The following SIRPA variants were observed in gnomAD, a reference collection of about 807,000 sequenced individuals.
SIRPA encodes the protein signal regulatory protein alpha.
In SIRPA, 9 loss-of-function variants were observed where a neutral mutation model predicts 50.3. The ratio of observed to expected loss-of-function variants is 0.18; its 90% confidence interval spans 0.11 to 0.31. The LOEUF is 0.31. SIRPA is among the 10% of genes least tolerant of loss of function. The pLI, the probability that SIRPA is intolerant of heterozygous loss-of-function variation, is 1.00. For synonymous variants in SIRPA, 265 were observed against 284.1 expected (o/e 0.93, Z 0.68); for missense variants, 474 against 661.6 (o/e 0.72, Z 3.11).
Position 1,937,792 on chromosome 20 carries a change from T to C in SIRPA, c.*224T>C, listed in dbSNP as rs1277017604. ...CCCACATTGCCACATACCTGGAGGCTGACGTTGCCAAACCAGCCAGGGAAC... is the reference window on the plus strand; with the variant it reads ...CCCACATTGCCACATACCTGGAGGCCGACGTTGCCAAACCAGCCAGGGAAC... On this transcript the variant is annotated 3_prime_UTR_variant, in exon 8 of 8. Transcript: ENST00000358771. This position sits in a 1 kb window ranked among gnomAD's most constrained non-coding sequence, Gnocchi z 8.3. 3.3e-6 allele frequency: 2 copies of C among 604,714 alleles called. No homozygotes were observed. Among genetic ancestry groups the C allele is most frequent in the Non-Finnish European group, 5.7e-6 (2 of 352,102 alleles). 37.5% of individuals were successfully genotyped at this position (604,714 alleles called of 1,614,324 possible). A position where few individuals can be genotyped will look rare whatever the true frequency, so the allele number is the denominator to read the frequency against.
At chr20:1,913,497 C>T (rs978113533) in intron 1 of SIRPA, among the ~76,000 whole-genome samples, 2 of 152,206 alleles carry the variant, frequency 1.3e-5, no homozygotes, top group Non-Finnish European at 2.9e-5. Flanking sequence ...TGGACATCTG[C>T]CGCAGCCTTG....
Position 1,938,655 on chromosome 20 carries a change from T to G in SIRPA, c.*1087T>G, listed in dbSNP as rs1011093380. ...CACAGCCTTCTGGCTGGGACTGACT[T>G]GGCCATGTTCTCAGCTGAGCCACGC... is the stretch of plus-strand genomic sequence containing the variant. On this transcript the variant is annotated 3_prime_UTR_variant, in exon 8 of 8. Transcript: ENST00000358771. The G allele has an allele frequency of 6.5e-6, 1 of 152,682 alleles. No homozygotes were observed. The highest frequency in any genetic ancestry group is 1.5e-5 in the Non-Finnish European group (1 of 68,066). The allele number at this position is 152,682 out of a possible 1,614,324, so 9.5% of individuals were successfully genotyped here.
chr20:1,905,764 AT>A (rs1984509122), intron 1 of SIRPA, among the ~76,000 whole-genome samples: 1 of 152,222 alleles, frequency 6.6e-6, no homozygotes, highest in African/African-American at 2.4e-5. Context: ...ATTTACACAG[AT>A]TTGCAGTTCT....
At chr20:1,935,389 G>A (rs1986519142) in intron 7 of SIRPA, among the ~76,000 whole-genome samples, 1 of 152,240 alleles carries the variant, frequency 6.6e-6, no homozygotes, top group African/African-American at 2.4e-5. Context: ...TAACAAGACA[G>A]GCCCTGCTCT....
chr20:1,936,588 T>C lies in SIRPA; in HGVS notation c.1267-732T>C, dbSNP rs1441095076. 6.6e-6 allele frequency among the ~76,000 whole-genome samples: 1 copy of C among 152,188 alleles called. No individual in the cohort carries two copies. Among genetic ancestry groups the C allele is most frequent in the East Asian group, 1.9e-4 (1 of 5,186 alleles). ...GTTCTTATACTGCCCCTGTTCTCTG[T>C]CTCCCTGTCCCCAGCTTTGCCCTGA... On this transcript the variant is annotated intron_variant, in intron 7 of 7. Transcript: ENST00000358771. This position sits in a 1 kb window ranked among gnomAD's most constrained non-coding sequence, Gnocchi z 4.2.
chr20:1,919,063 C>T (rs779895580), intron 2 of SIRPA, among the ~76,000 whole-genome samples: 6 of 152,248 alleles, frequency 3.9e-5, no homozygotes, highest in Non-Finnish European at 7.3e-5. Context: ...GCCTGGCCTG[C>T]AGTCAATGTT....
At chr20:1,900,581 C>G (rs1370772695) in intron 1 of SIRPA, among the ~76,000 whole-genome samples, 1 of 152,200 alleles carries the variant, frequency 6.6e-6, no homozygotes, top group East Asian at 1.9e-4. Context: ...CCTGAGAGAG[C>G]CCTCTGTGCT....
chr20:1,915,348 A>G lies in SIRPA; in HGVS notation c.329A>G (p.Asn110Ser), dbSNP rs200920826. ...NNMDFSIRIG[N>S]ITPADAGTYY... ...ATGGACTTTTCCATCCGCATCGGTA[A>G]CATCACCCCAGCAGATGCCGGCACC... is the stretch of plus-strand genomic sequence containing the variant. The change falls in exon 2 of 8, where the codon AAC (asparagine) becomes AGC (serine). Residue 110 changes from asparagine (N) to serine (S), a missense_variant. Asn to Ser is a conservative substitution (Grantham distance 46). Around this residue, in one of 4 missense-constraint regions of SIRPA, gnomAD observed 221 missense variants for 359.9 expected, o/e 0.61. Coordinates refer to ENST00000358771, the MANE Select transcript of SIRPA (RefSeq NM_001040023.2). 4.3e-6 allele frequency: 7 copies of G among 1,612,926 alleles called. No homozygotes were observed. In the African/African-American group the frequency reaches 8.0e-5, roughly 18 times the overall value.
At chr20:1,902,732 C>A (rs370653763) in intron 1 of SIRPA, among the ~76,000 whole-genome samples, 8 of 152,296 alleles carry the variant, frequency 5.3e-5, no homozygotes, top group Admixed American at 2.6e-4. Flanking sequence ...ACAATTAAGG[C>A]CAGGTGCGGT....
intron 1 of SIRPA, among the ~76,000 whole-genome samples, chr20:1,914,720 A>G (rs1985124146): frequency 8.8e-6 from 1 of 113,054 alleles, no homozygotes; most frequent in African/African-American, 3.4e-5. Context: ...AACACCTTGT[A>G]CAGCCCCAGA....
At chr20:1,914,382 C>T (rs1478964201) in intron 1 of SIRPA, among the ~76,000 whole-genome samples, 2 of 152,172 alleles carry the variant, frequency 1.3e-5, no homozygotes, top group Non-Finnish European at 2.9e-5. Context: ...CTTATTTTAT[C>T]CTCCCAGAGA....
At position 1,933,906 on chromosome 20, in the gene SIRPA, A is replaced by T. The variant is rs1025669119; in HGVS notation, c.1227-809A>T. 2.0e-5 allele frequency among the ~76,000 whole-genome samples: 3 copies of T among 152,196 alleles called. No individual in the cohort carries two copies. The highest frequency in any genetic ancestry group is 7.2e-5 in the African/African-American group (3 of 41,440). ...CGAACAACTTCTTTGATTAACTTGG[A>T]CATCTTGGTCTTTTTCTTTTCTTTC... On this transcript the variant is annotated intron_variant, in intron 6 of 7. Coordinates refer to ENST00000358771, the MANE Select transcript of SIRPA (RefSeq NM_001040023.2). The surrounding 1 kb of genome is among the most constrained non-coding windows in gnomAD (Gnocchi z 4.4).
rs1986135630 is a variant in SIRPA at position 1,928,693 on chromosome 20, T to C, written c.1226+794T>C. 6.6e-6 allele frequency among the ~76,000 whole-genome samples: 1 copy of C among 151,936 alleles called. No individual in the cohort carries two copies. The highest frequency in any genetic ancestry group is 1.5e-5 in the Non-Finnish European group (1 of 67,998). On this transcript the variant is annotated intron_variant, in intron 6 of 7. Coordinates refer to ENST00000358771, the MANE Select transcript of SIRPA (RefSeq NM_001040023.2). This position sits in a 1 kb window ranked among gnomAD's most constrained non-coding sequence, Gnocchi z 4.9. ...CCTCTGAAAAGGGGATGCAAACGGG[T>C]GCCTGAAACTAGTGAGCTATGTTGG... is the stretch of plus-strand genomic sequence containing the variant.
chr20:1,903,807 G>A (rs913110753), intron 1 of SIRPA, among the ~76,000 whole-genome samples: 2 of 152,106 alleles, frequency 1.3e-5, no homozygotes, highest in Admixed American at 6.5e-5. Context: ...AGAGGTTATC[G>A]CTTGTGATTC....
rs71193939 is a variant in SIRPA, at chr20:1,937,980, T to TCCACCACCA, written c.*435_*443dup. On this transcript the variant is annotated 3_prime_UTR_variant, in exon 8 of 8. Transcript: ENST00000358771. This position sits in a 1 kb window ranked among gnomAD's most constrained non-coding sequence, Gnocchi z 8.3. ...CCCACCTCCCCTGACCTCCACCACC[T>TCCACCACCA]CCACCACCACCACCACCACCACCAC... 751 of 153,062 alleles carry TCCACCACCA rather than the reference T, an allele frequency of 4.9e-3. 3 individuals carry two copies. Among genetic ancestry groups the TCCACCACCA allele is most frequent in the African/African-American group, 6.0e-3 (196 of 32,812 alleles). 9.5% of individuals were successfully genotyped at this position (153,062 alleles called of 1,614,324 possible). A position where few individuals can be genotyped will look rare whatever the true frequency, so the allele number is the denominator to read the frequency against.
chr20:1,900,087 G>A (rs1241742490), intron 1 of SIRPA, among the ~76,000 whole-genome samples: 1 of 145,978 alleles, frequency 6.9e-6, no homozygotes, highest in Non-Finnish European at 1.5e-5. Context: ...TATTTTCCTT[G>A]TAGCTTTTTT....
intron 2 of SIRPA, 136 bp downstream of exon 2, chr20:1,915,591 A>G: frequency 2.6e-6 from 3 of 1,134,866 alleles, no homozygotes; most frequent in South Asian, 1.5e-5. Flanking sequence ...CCTTTTACAA[A>G]TAAGGGAAGT....
intron 1 of SIRPA, among the ~76,000 whole-genome samples, chr20:1,903,011 CAAAAAAAAAAA>C (rs58735842): frequency 4.4e-5 from 4 of 90,888 alleles, no homozygotes; most frequent in Non-Finnish European, 6.6e-5. Context: ...GACTCTGTCT[CAAAAAAAAAAA>C]AAAAAAAAAA....
rs1190267204 is a variant in SIRPA, at chr20:1,895,572, G to T, written c.79+46G>T. On this transcript the variant is annotated intron_variant, in intron 1 of 7. Transcript: ENST00000358771. ...CACCGCTGCACTCCCCAAACTGCGG[G>T]CTCAGGCCTCTCAGACTGGCACTGG... 5 of 1,344,784 alleles carry T rather than the reference G, an allele frequency of 3.7e-6. No individual in the cohort carries two copies. In the South Asian group the frequency reaches 8.9e-5, roughly 24 times the overall value. 83.3% of individuals were successfully genotyped at this position (1,344,784 alleles called of 1,614,324 possible). A position where few individuals can be genotyped will look rare whatever the true frequency, so the allele number is the denominator to read the frequency against.
Sources: gnomAD v4.1 joint callset for allele counts (sites outside exome capture counted in the v4.1 genomes callset) on GRCh38, gnomAD v4.1.1 for gene constraint, gnomAD v4.1.1 regional missense constraint, Gnocchi (gnomAD v3.1) non-coding constraint, MANE v1.5 for transcripts, NCBI Gene and HGNC (gene_info 2026-07-23, HGNC 2026-07-21) for gene names.